Variants in KGD4 observed in about 807,000 individuals in gnomAD.
KGD4 encodes alpha-ketoglutarate dehydrogenase component 4.
the KGD4 span, among the ~76,000 whole-genome samples, chr5:69,222,059 C>A: frequency 9.4e-6 from 1 of 106,412 alleles, no homozygotes; most frequent in Non-Finnish European, 1.9e-5. Context: ...TACAGTTAGA[C>A]CTAACTTACA....
the KGD4 span, chr5:69,226,296 A>G: frequency 7.5e-7 from 1 of 1,340,922 alleles, no homozygotes; most frequent in Non-Finnish European, 1.1e-6. Flanking sequence ...CATTTCTTTT[A>G]GTTAATGAGA....
chr5:69,228,260 C>A, the KGD4 span: 1,548 of 1,608,178 alleles, frequency 9.6e-4, 40 homozygotes, highest in East Asian at 0.032. Flanking sequence ...TCACAACATT[C>A]TAAAGGAAGT....
At chr5:69,228,304 C>T in the KGD4 span, 4 of 1,606,796 alleles carry the variant, frequency 2.5e-6, no homozygotes, top group Admixed American at 1.7e-5. Context: ...TCAGGGTCCA[C>T]CAGACACTGC....
the KGD4 span, among the ~76,000 whole-genome samples, chr5:69,220,818 G>A: frequency 5.3e-5 from 8 of 150,958 alleles, no homozygotes; most frequent in Admixed American, 6.6e-5. Flanking sequence ...AGACACAGGA[G>A]ACTCCATTTT....
the KGD4 span, among the ~76,000 whole-genome samples, chr5:69,222,777 AAC>A: frequency 3.0e-5 from 4 of 134,664 alleles, no homozygotes; most frequent in Non-Finnish European, 4.7e-5. Context: ...AAAGTGAAGA[AAC>A]AGTTAATAGA....
chr5:69,226,550 T>C, the KGD4 span: 182 of 601,476 alleles, frequency 3.0e-4, no homozygotes, highest in Non-Finnish European at 3.9e-4. Flanking sequence ...AGCATGCAAG[T>C]AGAAATTAAC....
chr5:69,230,100 T>C, the KGD4 span: 1 of 151,944 alleles, frequency 6.6e-6, no homozygotes, highest in Non-Finnish European at 1.5e-5. Flanking sequence ...GTGCCAAGGG[T>C]ACGTATATTG....
the KGD4 span, among the ~76,000 whole-genome samples, chr5:69,227,092 G>C: frequency 1.4e-4 from 22 of 151,946 alleles, 1 homozygote; most frequent in Non-Finnish European, 1.0e-4. Context: ...GGCTGGTCTC[G>C]ACTCCTGATC....
chr5:69,223,539 C>T, the KGD4 span, among the ~76,000 whole-genome samples: 1 of 152,166 alleles, frequency 6.6e-6, no homozygotes, highest in African/African-American at 2.4e-5. Flanking sequence ...ATATGTACTA[C>T]AAATATATAA....
the KGD4 span, among the ~76,000 whole-genome samples, chr5:69,221,084 C>G: frequency 2.0e-5 from 3 of 152,050 alleles, no homozygotes; most frequent in Admixed American, 2.0e-4. Context: ...AAACCAGAGA[C>G]CTTTTTGTTC....
chr5:69,217,964 A>C, the KGD4 span: 1 of 1,600,748 alleles, frequency 6.2e-7, no homozygotes, highest in Non-Finnish European at 8.5e-7. Context: ...TGGCAGAGGC[A>C]GAGCGGTGAC....
At chr5:69,226,620 G>A in the KGD4 span, among the ~76,000 whole-genome samples, 2 of 152,110 alleles carry the variant, frequency 1.3e-5, no homozygotes, top group African/African-American at 2.4e-5. Flanking sequence ...GCCGAGGCAC[G>A]CGGATCACCT....
chr5:69,221,210 C>A, the KGD4 span, among the ~76,000 whole-genome samples: 3 of 150,278 alleles, frequency 2.0e-5, no homozygotes, highest in Non-Finnish European at 4.4e-5. Flanking sequence ...AAAAAATTAG[C>A]CAGGCAGGAG....
chr5:69,227,597 G>A, the KGD4 span, among the ~76,000 whole-genome samples: 5 of 152,096 alleles, frequency 3.3e-5, no homozygotes, highest in African/African-American at 4.8e-5. Flanking sequence ...GAAGAATTAA[G>A]ATGTTTAAAC....
the KGD4 span, chr5:69,229,146 A>G: frequency 6.9e-7 from 1 of 1,450,868 alleles, no homozygotes; most frequent in Non-Finnish European, 9.7e-7. Context: ...TAAAATTGCC[A>G]TCAAAACATT....
At chr5:69,222,003 T>C in the KGD4 span, among the ~76,000 whole-genome samples, 2 of 24,780 alleles carry the variant, frequency 8.1e-5, no homozygotes, top group African/African-American at 2.8e-4. Context: ...CCCATATCTA[T>C]TAAAAGTACA....
the KGD4 span, among the ~76,000 whole-genome samples, chr5:69,225,287 C>T: frequency 0.28 from 35,971 of 126,644 alleles, 5,449 homozygotes; most frequent in East Asian, 0.39. Flanking sequence ...TTTTTTGAGA[C>T]GGAGTCTCGC....
chr5:69,229,153 C>A, the KGD4 span: 1 of 1,475,154 alleles, frequency 6.8e-7, no homozygotes, highest in Non-Finnish European at 9.4e-7. Context: ...GCCATCAAAA[C>A]ATTTCCTGAG....
At chr5:69,220,988 G>A in the KGD4 span, among the ~76,000 whole-genome samples, 1 of 152,144 alleles carries the variant, frequency 6.6e-6, no homozygotes, top group African/African-American at 2.4e-5. Flanking sequence ...AAGGCAGCAT[G>A]CTCGTTAAGA....
Sources: allele counts gnomAD v4.1 joint callset (sites outside exome capture counted in the v4.1 genomes callset), GRCh38; gene constraint gnomAD v4.1.1; transcripts MANE v1.5; gene names NCBI Gene and HGNC (gene_info 2026-07-23, HGNC 2026-07-21).